Variants in RAP1GAP observed in about 807,000 individuals in gnomAD.
The protein encoded by RAP1GAP is RAP1 GTPase activating protein.
RAP1GAP carries 35 observed loss-of-function variants against 87.2 expected under a neutral mutation model. The ratio of observed to expected loss-of-function variants is 0.40; its 90% CI spans 0.31 to 0.53. The LOEUF (loss-of-function observed/expected upper bound fraction) is 0.53, where lower values mean the gene tolerates loss of function less well. RAP1GAP is among the 20% of genes least tolerant of loss of function. The pLI, the probability that RAP1GAP is intolerant of heterozygous loss-of-function variation, is 0.48. For missense variants in RAP1GAP, 734 were observed against 898.9 expected (o/e 0.82, Z 2.35); for synonymous variants, 375 against 363.9 (o/e 1.03, Z -0.35).
intron 2 of RAP1GAP, 28 bp downstream of exon 2, chr1:21,649,733 G>C: frequency 6.4e-7 from 1 of 1,550,812 alleles, no homozygotes; most frequent in Non-Finnish European, 8.7e-7. Flanking sequence ...AGGAAACCCA[G>C]GCCCTCCTGA....
Position 21,613,506 on chromosome 1 carries a change from G to T in RAP1GAP, c.474+122C>A. 2.1e-6 allele frequency: 2 copies of T among 956,104 alleles called. No individual in the cohort carries two copies. The highest frequency in any genetic ancestry group is 3.3e-6 in the Non-Finnish European group (2 of 599,654). 59.2% of individuals were successfully genotyped at this position (956,104 alleles called of 1,614,324 possible). A position where few individuals can be genotyped will look rare whatever the true frequency, so the allele number is the denominator to read the frequency against. ...GGGAACAAGTGAGAGACAGCCTCAG[G>T]ATAGGGCGGCAGGCCAGGGCTAGGG... On this transcript the variant is annotated intron_variant, in intron 9 of 24. Transcript: ENST00000374765. This position sits in a 1 kb window ranked among gnomAD's most constrained non-coding sequence, Gnocchi z 4.7.
intron 18 of RAP1GAP, 90 bp downstream of exon 18, chr1:21,605,974 CAG>C (rs1466171957): frequency 5.6e-6 from 8 of 1,430,012 alleles, no homozygotes; most frequent in Admixed American, 2.0e-5. Flanking sequence ...AGCAGGGCAA[CAG>C]AGAGAGTTGG....
rs9426771 is a variant in RAP1GAP at position 21,632,246 on chromosome 1, G to A, written c.-112-5849C>T. Among the ~76,000 whole-genome samples, 158 of 152,152 alleles carry A rather than the reference G, an allele frequency of 1.0e-3. 1 individual carries two copies. The highest frequency in any genetic ancestry group is 0.01 in the Admixed American group (156 of 15,290). The stretch of plus-strand genomic sequence containing the variant: ...CCCAGCTCCTAAGTGGGATGGGCCC[G>A]GCCGGAAGCCGCTGCTGACAGCTCC... On this transcript the variant is annotated intron_variant, in intron 2 of 24. Transcript: ENST00000374765.
chr1:21,602,992 G>A, intron 18 of RAP1GAP, 79 bp from the exon 19 acceptor site: 4 of 1,035,104 alleles, frequency 3.9e-6, no homozygotes, highest in Non-Finnish European at 5.7e-6. Flanking sequence ...TGGGGATCCT[G>A]CTGCCCCAGG....
At position 21,613,139 on chromosome 1, in the gene RAP1GAP, C is replaced by A. The variant is rs1181316034; in HGVS notation, c.528+37G>T. 3 of 1,522,402 alleles carry A rather than the reference C, an allele frequency of 2.0e-6. No homozygotes were observed. The African/African-American group carries it at 4.1e-5, about 21-fold the overall frequency. 94.3% of individuals were successfully genotyped at this position (1,522,402 alleles called of 1,614,324 possible). On this transcript the variant is annotated intron_variant, in intron 10 of 24. Coordinates refer to ENST00000374765, the MANE Select transcript of RAP1GAP (RefSeq NM_002885.4). The surrounding 1 kb of genome is among the most constrained non-coding windows in gnomAD (Gnocchi z 4.7). ...AAATGCTCAGTCTTCCAGTTACTCA[C>A]CCACCCTCAGTGAGCTGTGCCCAGA...
rs2088977842 is a variant in RAP1GAP at position 21,622,488 on chromosome 1, C to A, written c.-18-2438G>T. On this transcript the variant is annotated intron_variant, in intron 3 of 24. Transcript: ENST00000374765. This position sits in a 1 kb window ranked among gnomAD's most constrained non-coding sequence, Gnocchi z 5.7. ...CCAGCCGGCTCCTGGCCCGCGCGCG[C>A]CCGGGTCCGGGCCCCGCAGCGCTGA... is the stretch of plus-strand genomic sequence containing the variant. 2 of 157,460 alleles carry A rather than the reference C, an allele frequency of 1.3e-5. No individual in the cohort carries two copies. Among genetic ancestry groups the A allele is most frequent in the South Asian group, 4.0e-4 (2 of 5,048 alleles). 9.8% of individuals were successfully genotyped at this position (157,460 alleles called of 1,614,324 possible).
rs116789769 is a variant in RAP1GAP, at chr1:21,648,999, A to G, written c.-113+762T>C. Among the ~76,000 whole-genome samples the G allele has an allele frequency of 6.0e-3, 921 of 152,282 alleles. 12 individuals carry two copies. Among genetic ancestry groups the G allele is most frequent in the African/African-American group, 0.021 (889 of 41,554 alleles). On this transcript the variant is annotated intron_variant, in intron 2 of 24. Coordinates refer to ENST00000374765, the MANE Select transcript of RAP1GAP (RefSeq NM_002885.4). ...ACAGCCCTGAGCAGGGGCAGGAAGC[A>G]GCAGCCAGAGCCGTCGGGGGGCTCT...
chr1:21,601,327 C>T (rs4654973), intron 20 of RAP1GAP, among the ~76,000 whole-genome samples: 1 of 152,030 alleles, frequency 6.6e-6, no homozygotes, highest in African/African-American at 2.4e-5. Context: ...CCCCGAGGAC[C>T]CATCTAAAAC....
chr1:21,600,691 C>A (rs1220209714), intron 20 of RAP1GAP, among the ~76,000 whole-genome samples: 1 of 152,000 alleles, frequency 6.6e-6, no homozygotes, highest in Non-Finnish European at 1.5e-5. Flanking sequence ...TCAAGACCAT[C>A]CTGGCTAACA....
At chr1:21,608,087 C>A (rs2075948443) in intron 17 of RAP1GAP, 126 bp downstream of exon 17, 1 of 1,412,690 alleles carries the variant, frequency 7.1e-7, no homozygotes, top group Non-Finnish European at 9.6e-7. Context: ...GACTCCACCC[C>A]CTCAGCCACG....
At chr1:21,657,074 A>T (rs72478512) in intron 1 of RAP1GAP, among the ~76,000 whole-genome samples, 44,312 of 152,234 alleles carry the variant, frequency 0.29, 7,118 homozygotes, top group East Asian at 0.54. Context: ...AACTGCACAC[A>T]AACTTTCCCA....
intron 13 of RAP1GAP, 148 bp from the exon 14 acceptor site, chr1:21,610,423 G>GTC: frequency 1.2e-6 from 1 of 822,756 alleles, no homozygotes; most frequent in Non-Finnish European, 1.9e-6. Context: ...AAAAAAACTT[G>GTC]TCTTAAAACT....
chr1:21,655,286 T>C (rs1486472955), intron 1 of RAP1GAP, among the ~76,000 whole-genome samples: 4 of 152,140 alleles, frequency 2.6e-5, no homozygotes, highest in Admixed American at 6.5e-5. Context: ...CAGAGGAAAT[T>C]TGATAAATTA....
chr1:21,603,223 GC>G lies in RAP1GAP; in HGVS notation c.1429-311del, dbSNP rs1362759178. 2 of 402,954 alleles carry G rather than the reference GC, an allele frequency of 5.0e-6. No homozygotes were observed. The highest frequency in any genetic ancestry group is 9.0e-6 in the Non-Finnish European group (2 of 222,924). 25.0% of individuals were successfully genotyped at this position (402,954 alleles called of 1,614,324 possible). ...GTCCTCAGAATGGCTACCGCTCCCC[GC>G]CCCCCAGGGCTCTGTGGGATCTGCA... On this transcript the variant is annotated intron_variant, in intron 18 of 24. Coordinates refer to ENST00000374765, the MANE Select transcript of RAP1GAP (RefSeq NM_002885.4). The surrounding 1 kb of genome is among the most constrained non-coding windows in gnomAD (Gnocchi z 6.0).
In RAP1GAP at chr1:21,622,540, G is replaced by C. The variant is rs1288592380; in HGVS notation, c.-18-2490C>G. ...CTCCGCGCTCCCGGCTCCCGGCGGC[G>C]GCGCTGCCTGCGATGGGCTCGCCCC... On this transcript the variant is annotated intron_variant, in intron 3 of 24. Transcript: ENST00000374765. The surrounding 1 kb of genome is among the most constrained non-coding windows in gnomAD (Gnocchi z 5.7). 4.7e-5 allele frequency: 7 copies of C among 147,944 alleles called. No individual in the cohort carries two copies. The South Asian group carries it at 1.0e-3, about 22-fold the overall frequency. 9.2% of individuals were successfully genotyped at this position (147,944 alleles called of 1,614,324 possible). A position where few individuals can be genotyped will look rare whatever the true frequency, so the allele number is the denominator to read the frequency against.
rs1252985884 is a variant in RAP1GAP, at chr1:21,603,826, G to A, written c.1429-913C>T. The A allele has an allele frequency of 6.8e-6, 11 of 1,611,092 alleles. No individual in the cohort carries two copies. Among genetic ancestry groups the A allele is most frequent in the African/African-American group, 4.0e-5 (3 of 74,890 alleles). On this transcript the variant is annotated intron_variant, in intron 18 of 24. Transcript: ENST00000374765. This position sits in a 1 kb window ranked among gnomAD's most constrained non-coding sequence, Gnocchi z 6.0. Reference sequence around the variant, plus strand: ...AGCCTCCAGAGCCGGCGGCCCCGCGGACGACAACCTCTTCCACGGTTCCTA... The same window carrying A: ...AGCCTCCAGAGCCGGCGGCCCCGCGAACGACAACCTCTTCCACGGTTCCTA...
chr1:21,608,200 T>A lies in RAP1GAP; in HGVS notation c.1296+13A>T. 6.2e-7 allele frequency: 1 copy of A among 1,613,346 alleles called. No individual in the cohort carries two copies. Among genetic ancestry groups the A allele is most frequent in the Non-Finnish European group, 8.5e-7 (1 of 1,179,518 alleles). On this transcript the variant is annotated intron_variant, in intron 17 of 24. Coordinates refer to ENST00000374765, the MANE Select transcript of RAP1GAP (RefSeq NM_002885.4). ...TCCCTGCTCCCCGGCCAGTTAGACC[T>A]GGGGCCCTTCACCTTGAAAGACTCA...
In RAP1GAP at chr1:21,667,392, C is replaced by T. The variant is rs545935775; in HGVS notation, c.-149+1862G>A. Among the ~76,000 whole-genome samples the T allele has an allele frequency of 3.9e-5, 6 of 152,334 alleles. No homozygotes were observed. In the East Asian group the frequency reaches 1.2e-3, roughly 29 times the overall value. ...TAGTTAGAGCCAGGAGAGGGGCCTC[C>T]TGAGACCCCTGCCAGGCAGGCACCT... is the stretch of plus-strand genomic sequence containing the variant. On this transcript the variant is annotated intron_variant, in intron 1 of 24. Transcript: ENST00000374765.
intron 1 of RAP1GAP, chr1:21,665,205 A>C: frequency 3.9e-6 from 2 of 509,408 alleles, no homozygotes; most frequent in South Asian, 2.9e-5. Context: ...GGAGAGAGGA[A>C]CTCACCAAAA....
Sources: gnomAD v4.1 joint callset for allele counts (sites outside exome capture counted in the v4.1 genomes callset) on GRCh38, gnomAD v4.1.1 for gene constraint, Gnocchi (gnomAD v3.1) non-coding constraint, MANE v1.5 for transcripts, NCBI Gene and HGNC (gene_info 2026-07-23, HGNC 2026-07-21) for gene names.